Variants in BUD13 observed in about 807,000 individuals in gnomAD.
BUD13 encodes BUD13 homolog.
BUD13 carries 47 observed loss-of-function variants against 62.5 expected under a neutral mutation model. The ratio of observed to expected loss-of-function variants is 0.75; its 90% CI spans 0.60 to 0.96. The LOEUF (loss-of-function observed/expected upper bound fraction) is 0.96, where lower values mean the gene tolerates loss of function less well. Ranked by LOEUF, BUD13 falls within the 40% of genes least tolerant of loss-of-function variation. BUD13 has a pLI of 0.00. For synonymous variants in BUD13, 293 were observed against 280.1 expected (o/e 1.05, Z -0.46); for missense variants, 821 against 790.9 (o/e 1.04, Z -0.46).
intron 4 of BUD13, among the ~76,000 whole-genome samples, chr11:116,762,127 C>T (rs1940441279): frequency 6.6e-6 from 1 of 152,066 alleles, no homozygotes; most frequent in Non-Finnish European, 1.5e-5. Context: ...CTGAGGAAGA[C>T]TACGTTAAGA....
At chr11:116,752,656 T>A (rs919232738) in intron 9 of BUD13, among the ~76,000 whole-genome samples, 3 of 152,178 alleles carry the variant, frequency 2.0e-5, no homozygotes, top group Non-Finnish European at 4.4e-5. Flanking sequence ...AAAATCCTCC[T>A]TCTACCAAAA....
In BUD13 at chr11:116,748,445, C is replaced by T; in HGVS notation, c.*37G>A. The T allele has an allele frequency of 6.3e-7, 1 of 1,590,774 alleles. No individual in the cohort carries two copies. The highest frequency in any genetic ancestry group is 8.6e-7 in the Non-Finnish European group (1 of 1,158,860). On this transcript the variant is annotated 3_prime_UTR_variant, in exon 10 of 10. Transcript: ENST00000260210. ...CTGGATATCTCGCTGCCTATGCCCA[C>T]TACCACAGCCCAGCCACCCCCACAG... is the stretch of plus-strand genomic sequence containing the variant.
chr11:116,755,978 G>A (rs1940316501), intron 9 of BUD13, among the ~76,000 whole-genome samples: 1 of 152,086 alleles, frequency 6.6e-6, no homozygotes, highest in Non-Finnish European at 1.5e-5. Flanking sequence ...GGAAATCGAG[G>A]CAGACAATCA....
At position 116,763,060 on chromosome 11, in the gene BUD13, G is replaced by T; in HGVS notation, c.529C>A (p.Pro177Thr). The stretch of plus-strand genomic sequence containing the variant: ...GAGGAGTCATGACGGATCCTCCTGG[G>T]AGGAGATGTGTCTGAGTCATGACGA... ...GARHDSDTSP[P>T]RRIRHDSSDT... The change falls in exon 4 of 10, where the codon CCC becomes ACC. Residue 177 changes from proline (P) to threonine (T), a missense_variant. Transcript: ENST00000260210. 6.2e-7 allele frequency: 1 copy of T among 1,612,434 alleles called. No homozygotes were observed. Among genetic ancestry groups the T allele is most frequent in the Non-Finnish European group, 8.5e-7 (1 of 1,179,372 alleles).
In BUD13 at chr11:116,763,172, A is replaced by T. The variant is rs982926276; in HGVS notation, c.417T>A (p.Ser139=). 2.2e-5 allele frequency: 35 copies of T among 1,602,514 alleles called. No individual in the cohort carries two copies. Among genetic ancestry groups the T allele is most frequent in the Non-Finnish European group, 2.9e-5 (34 of 1,173,126 alleles). ...RRVRHGTPDP[S]PRKDRHDTPD... ...GGGTGTCATGACGGTCCTTCCTAGG[A>T]GATGGATCTGGGGTACCATGACGGA... The change falls in exon 4 of 10, where the codon TCT becomes TCA. Residue 139 remains serine (S), a synonymous_variant. Coordinates refer to ENST00000260210, the MANE Select transcript of BUD13 (RefSeq NM_032725.4).
At chr11:116,770,875 C>G (rs1409596582) in intron 1 of BUD13, among the ~76,000 whole-genome samples, 1 of 151,974 alleles carries the variant, frequency 6.6e-6, no homozygotes, top group African/African-American at 2.4e-5. Flanking sequence ...CTCCCTGCAG[C>G]CTTGACTTCC....
At position 116,762,708 on chromosome 11, in the gene BUD13, G is replaced by C. The variant is rs1940452863; in HGVS notation, c.881C>G (p.Ala294Gly). Reference protein sequence around the residue: ...RTKSGKAPERASSKTSPHWKE... With the variant: ...RTKSGKAPERGSSKTSPHWKE... ...CCAATGTGGAGAAGTCTTGCTAGAG[G>C]CTCTTTCTGGGGCTTTACCACTTTT... The change falls in exon 4 of 10, where the codon GCC (alanine) becomes GGC (glycine). Residue 294 changes from alanine (A) to glycine (G), a missense_variant. Coordinates refer to ENST00000260210, the MANE Select transcript of BUD13 (RefSeq NM_032725.4). 1.2e-6 allele frequency: 2 copies of C among 1,614,194 alleles called. No homozygotes were observed. Among genetic ancestry groups the C allele is most frequent in the Non-Finnish European group, 1.7e-6 (2 of 1,180,028 alleles).
intron 2 of BUD13, 110 bp downstream of exon 2, chr11:116,770,019 T>G (rs1255837332): frequency 1.3e-6 from 1 of 769,268 alleles, no homozygotes; most frequent in Non-Finnish European, 2.0e-6. Flanking sequence ...ATCATGCCAT[T>G]GCACTCCAGC....
At chr11:116,758,605 T>TTTG (rs1940374536) in intron 6 of BUD13, among the ~76,000 whole-genome samples, 198 bp from the exon 7 acceptor site, 1 of 144,052 alleles carries the variant, frequency 6.9e-6, no homozygotes, top group Non-Finnish European at 1.5e-5. Flanking sequence ...TTTTTTTTTT[T>TTTG]GAGATGGAGT....
chr11:116,756,111 A>C (rs908649875), intron 9 of BUD13, among the ~76,000 whole-genome samples: 1 of 152,114 alleles, frequency 6.6e-6, no homozygotes, highest in Non-Finnish European at 1.5e-5. Flanking sequence ...AGGCCACTGA[A>C]GCATGAGAAT....
intron 6 of BUD13, 55 bp downstream of exon 6, chr11:116,759,019 A>AAG: frequency 4.0e-6 from 2 of 496,946 alleles, no homozygotes; most frequent in Non-Finnish European, 5.5e-6. Flanking sequence ...AAGCTAAATT[A>AAG]AAAAAAAAAA....
intron 9 of BUD13, among the ~76,000 whole-genome samples, chr11:116,748,877 C>T (rs1341041292): frequency 2.0e-5 from 3 of 148,704 alleles, no homozygotes. Context: ...TCCAGCTATT[C>T]GGGAGGCTGA....
At chr11:116,758,122 A>C (rs1198038514) in intron 7 of BUD13, 147 bp downstream of exon 7, 1 of 1,402,198 alleles carries the variant, frequency 7.1e-7, no homozygotes. Context: ...ATATATCAAT[A>C]TCCTAGGAAG....
In BUD13 at chr11:116,763,048, G is replaced by A. The variant is rs147942600; in HGVS notation, c.541C>T (p.Arg181Cys). 4.8e-5 allele frequency: 77 copies of A among 1,612,600 alleles called. No homozygotes were observed. The African/African-American group carries it at 5.5e-4, about 12-fold the overall frequency. The change falls in exon 4 of 10, where the codon CGT (arginine) becomes TGT (cysteine). Residue 181 changes from arginine (R) to cysteine (C), a missense_variant. Arg to Cys is a radical substitution (Grantham distance 180). Around this residue, in one of 2 missense-constraint regions of BUD13, gnomAD observed 800 missense variants for 739.2 expected, o/e 1.08. Transcript: ENST00000260210. ...DSDTSPPRRIRHDSSDTSPPR... is the reference protein window; with the variant it reads ...DSDTSPPRRICHDSSDTSPPR... ...GGTGAAGTGTCTGAGGAGTCATGAC[G>A]GATCCTCCTGGGAGGAGATGTGTCT...
At position 116,760,961 on chromosome 11, in the gene BUD13, G is replaced by A. The variant is rs762536948; in HGVS notation, c.1037-9C>T. The A allele has an allele frequency of 3.1e-6, 5 of 1,612,690 alleles. No individual in the cohort carries two copies. Among genetic ancestry groups the A allele is most frequent in the South Asian group, 2.2e-5 (2 of 90,940 alleles). ...TGCTTTCTGGCAGTCACCTGGATAG[G>A]AGCAAAGAATCTGTGTGACTCTGAT... On this transcript the variant is annotated splice_polypyrimidine_tract_variant and intron_variant, in intron 4 of 9. Coordinates refer to ENST00000260210, the MANE Select transcript of BUD13 (RefSeq NM_032725.4).
In BUD13 at chr11:116,758,335, A is replaced by C; in HGVS notation, c.1433T>G (p.Leu478Ter). ...GRKRNLKLER[L>*]EQRRKAEKDS... ...CTTTTCTGCTTTCCTCCTTTGCTCT[A>C]AACGTTCGAGTTTCAAATTCCTCTT... is the stretch of plus-strand genomic sequence containing the variant. Residue 478 changes from leucine (L) to a stop codon, truncating the protein, a stop_gained, in exon 7 of 10, where the codon TTA becomes TGA. Transcript: ENST00000260210. LOFTEE classifies it high-confidence loss of function. The C allele has an allele frequency of 1.2e-6, 2 of 1,614,136 alleles. No individual in the cohort carries two copies. The highest frequency in any genetic ancestry group is 1.7e-6 in the Non-Finnish European group (2 of 1,180,024).
intron 9 of BUD13, 57 bp from the exon 10 acceptor site, chr11:116,748,632 A>G: frequency 1.3e-6 from 2 of 1,505,324 alleles, no homozygotes; most frequent in Middle Eastern, 1.7e-4. Context: ...CATTTGTTTC[A>G]AAAGAAAGGG....
At chr11:116,765,027 C>T (rs1262515528) in intron 3 of BUD13, among the ~76,000 whole-genome samples, 1 of 152,166 alleles carries the variant, frequency 6.6e-6, no homozygotes, top group Non-Finnish European at 1.5e-5. Context: ...CCAAATTCTG[C>T]TCCTGTTTCT....
intron 2 of BUD13, among the ~76,000 whole-genome samples, chr11:116,767,297 T>C (rs768344908): frequency 2.5e-4 from 38 of 149,468 alleles, no homozygotes; most frequent in Non-Finnish European, 4.6e-4. Context: ...ATTTCACTAG[T>C]GTTCAAAGAA....
Sources: gnomAD v4.1 joint callset for allele counts (sites outside exome capture counted in the v4.1 genomes callset) on GRCh38, gnomAD v4.1.1 for gene constraint, gnomAD v4.1.1 regional missense constraint, MANE v1.5 for transcripts, NCBI Gene and HGNC (gene_info 2026-07-23, HGNC 2026-07-21) for gene names.